The following NPEPL1 variants were observed in gnomAD, a reference collection of about 807,000 sequenced individuals.
NPEPL1 encodes the protein aminopeptidase like 1.
NPEPL1 carries 45 observed loss-of-function variants against 52.4 expected under a neutral mutation model. The ratio of observed to expected loss-of-function variants is 0.86; its 90% CI spans 0.68 to 1.10. The LOEUF (loss-of-function observed/expected upper bound fraction) is 1.10. Ranked by LOEUF, NPEPL1 falls within the 50% of genes least tolerant of loss-of-function variation. The probability of loss-of-function intolerance (pLI) is 0.00; values close to 1 mark genes in which losing one functional copy is unlikely to be tolerated. For synonymous variants in NPEPL1, 360 were observed against 314.7 expected, an observed-to-expected ratio of 1.14 and a Z score of -1.52; for missense variants, 696 against 710.9, an observed-to-expected ratio of 0.98 and a Z score of 0.24.
chr20:58,689,726 C>T (rs1456035893), upstream of NPEPL1, among the ~76,000 whole-genome samples: 2 of 152,190 alleles, frequency 1.3e-5, no homozygotes, highest in Non-Finnish European at 2.9e-5. Context: ...TTCCCTAACT[C>T]AATCTTCTCC....
chr20:58,706,088 G>A (rs2084728584), intron 6 of NPEPL1, among the ~76,000 whole-genome samples: 1 of 152,174 alleles, frequency 6.6e-6, no homozygotes, highest in Admixed American at 6.5e-5. Flanking sequence ...ATATGAACTT[G>A]TGAATTTGAT....
intron 6 of NPEPL1, 70 bp from the exon 7 acceptor site, chr20:58,707,053 G>C (rs766402970): frequency 6.1e-6 from 9 of 1,465,838 alleles, no homozygotes; most frequent in Non-Finnish European, 7.5e-6. Flanking sequence ...GGGTGGGGGT[G>C]GGGGGCTTCC....
intron 3 of NPEPL1, 35 bp downstream of exon 3, chr20:58,694,627 C>G: frequency 6.3e-7 from 1 of 1,575,910 alleles, no homozygotes; most frequent in Non-Finnish European, 8.6e-7. Context: ...TGCCCCTGGG[C>G]CCGGGCAAGA....
chr20:58,700,937 CAG>C lies in NPEPL1; in HGVS notation c.680-76_680-75del, dbSNP rs747156590. The C allele has an allele frequency of 1.4e-3, 1,899 of 1,333,630 alleles. 3 individuals are homozygous for C. The highest frequency in any genetic ancestry group is 1.7e-3 in the Non-Finnish European group (1,777 of 1,027,358). The allele number at this position is 1,333,630 out of a possible 1,614,324, so 82.6% of individuals were successfully genotyped here. On this transcript the variant is annotated intron_variant, in intron 5 of 11. Transcript: ENST00000356091. ...CTCTCCAGGAGAAACACCAGCCGGC[CAG>C]AGTTTCCAGGGGCCTCTGGGAGTTC...
chr20:58,691,062 C>CTCAATCTCT, upstream of NPEPL1: 1 of 702,392 alleles, frequency 1.4e-6, no homozygotes, highest in East Asian at 2.7e-5. Flanking sequence ...GGCCTTCTTT[C>CTCAATCTCT]TCAATCTCTT....
chr20:58,691,390 T>G (rs2123066261), upstream of NPEPL1: 3 of 542,382 alleles, frequency 5.5e-6, no homozygotes, highest in East Asian at 3.2e-5. Flanking sequence ...TTTTTTTTTT[T>G]TTTTTTTTTT....
Position 58,693,856 on chromosome 20 carries a change from G to T in NPEPL1, c.270G>T (p.Ser90=), listed in dbSNP as rs776353016. 11 of 1,613,572 alleles carry T rather than the reference G, an allele frequency of 6.8e-6. No individual in the cohort carries two copies. In the South Asian group the frequency reaches 1.2e-4, roughly 18 times the overall value. The change falls in exon 2 of 12, where the codon TCG becomes TCT. Residue 90 remains serine (S), a synonymous_variant. Coordinates refer to ENST00000356091, the MANE Select transcript of NPEPL1 (RefSeq NM_024663.4). ...PCRVSRHNSP[S]AAHFITRLVR... The stretch of plus-strand genomic sequence containing the variant: ...GGGTGAGCCGGCACAACAGCCCCTC[G>T]GCCGCCCACTTCATCACGCGGCTGG...
In NPEPL1 at chr20:58,715,601, G is replaced by A. The variant is rs969502447; in HGVS notation, c.*275G>A. 3.0e-5 allele frequency: 9 copies of A among 297,416 alleles called. No individual in the cohort carries two copies. Among genetic ancestry groups the A allele is most frequent in the African/African-American group, 1.6e-4 (7 of 44,570 alleles). The allele number at this position is 297,416 out of a possible 1,614,324, so 18.4% of individuals were successfully genotyped here. A position where few individuals can be genotyped will look rare whatever the true frequency, so the allele number is the denominator to read the frequency against. ...CTACCCCTGGGGCCTTCTGCACCCC[G>A]GGGTGAGGCCTCCTGCCTGCCTGGT... is the stretch of plus-strand genomic sequence containing the variant. On this transcript the variant is annotated 3_prime_UTR_variant, in exon 12 of 12. Coordinates refer to ENST00000356091, the MANE Select transcript of NPEPL1 (RefSeq NM_024663.4).
intron 6 of NPEPL1, chr20:58,703,464 C>T: frequency 1.0e-6 from 1 of 980,600 alleles, no homozygotes; most frequent in Non-Finnish European, 1.2e-6. Context: ...GCTGCTCCCA[C>T]CCTCGCACGC....
At chr20:58,700,043 C>G (rs1000865247) in intron 5 of NPEPL1, among the ~76,000 whole-genome samples, 11 of 152,220 alleles carry the variant, frequency 7.2e-5, no homozygotes, top group African/African-American at 2.4e-4. Context: ...GGCAGGCTCA[C>G]AACAGGCTGC....
intron 8 of NPEPL1, 161 bp downstream of exon 8, chr20:58,712,740 AG>A (rs1196918127): frequency 2.9e-6 from 2 of 698,840 alleles, no homozygotes; most frequent in Admixed American, 2.0e-5. Flanking sequence ...GAGCTTTGGT[AG>A]CAGGCGCACC....
chr20:58,706,695 T>A (rs1232026810), intron 6 of NPEPL1, among the ~76,000 whole-genome samples: 1 of 144,262 alleles, frequency 6.9e-6, no homozygotes, highest in Non-Finnish European at 1.5e-5. Flanking sequence ...GTGGAGAGAG[T>A]GGCCCTGCAG....
At chr20:58,708,083 A>G (rs1178679747) in intron 7 of NPEPL1, among the ~76,000 whole-genome samples, 1 of 152,126 alleles carries the variant, frequency 6.6e-6, no homozygotes, top group Non-Finnish European at 1.5e-5. Context: ...GACCCTGTCT[A>G]AAGAAACAGG....
In NPEPL1 at chr20:58,715,255, C is replaced by T. The variant is rs771264515; in HGVS notation, c.1501C>T (p.Pro501Ser). 4 of 1,610,866 alleles carry T rather than the reference C, an allele frequency of 2.5e-6. No individual in the cohort carries two copies. Among genetic ancestry groups the T allele is most frequent in the Non-Finnish European group, 8.5e-7 (1 of 1,179,300 alleles). Residue 501 changes from proline (P) to serine (S), a missense_variant, in exon 12 of 12, where the codon CCA becomes TCA. By Grantham distance (74) the Pro-to-Ser change is moderately conservative. Transcript: ENST00000356091. ...GGACCCTCTGCTGAACCTGGTGTCCCCACTGGGCTGTGAGGTGGATGTCGA... is the reference window on the plus strand; with the variant it reads ...GGACCCTCTGCTGAACCTGGTGTCCTCACTGGGCTGTGAGGTGGATGTCGA... ...SEDPLLNLVS[P>S]LGCEVDVEEG...
Position 58,707,998 on chromosome 20 carries a change from C to G in NPEPL1, c.900+798C>G, listed in dbSNP as rs1055835259. ...TTGGGAGGCTGAGGTGGCGGAGGATCGATTGAGCCCGGGAGGTTGAGGCTG... is the reference window on the plus strand; with the variant it reads ...TTGGGAGGCTGAGGTGGCGGAGGATGGATTGAGCCCGGGAGGTTGAGGCTG... On this transcript the variant is annotated intron_variant, in intron 7 of 11. Coordinates refer to ENST00000356091, the MANE Select transcript of NPEPL1 (RefSeq NM_024663.4). Among the ~76,000 whole-genome samples the G allele has an allele frequency of 2.0e-5, 3 of 152,132 alleles. No homozygotes were observed. In the East Asian group the frequency reaches 5.8e-4, roughly 29 times the overall value.
At chr20:58,708,427 C>T (rs968703265) in intron 7 of NPEPL1, among the ~76,000 whole-genome samples, 1 of 151,898 alleles carries the variant, frequency 6.6e-6, no homozygotes. Context: ...CTCACCTGTG[C>T]TCTGCACGGG....
intron 6 of NPEPL1, chr20:58,703,911 C>G: frequency 6.1e-6 from 6 of 985,062 alleles, no homozygotes; most frequent in Non-Finnish European, 7.2e-6. Context: ...CCGGGGTCCA[C>G]CTGGTCTGCA....
intron 3 of NPEPL1, among the ~76,000 whole-genome samples, chr20:58,697,762 TGAGA>T (rs1357474536): frequency 6.6e-6 from 1 of 152,174 alleles, no homozygotes; most frequent in Non-Finnish European, 1.5e-5. Context: ...CAGATTCAGC[TGAGA>T]GAGAGTGAAG....
chr20:58,692,800 A>AGGGCCGGGGCGGTGCCG lies in NPEPL1; in HGVS notation c.-100_-84dup, dbSNP rs2084380240. The AGGGCCGGGGCGGTGCCG allele has an allele frequency of 1.4e-5, 14 of 969,204 alleles. No individual in the cohort carries two copies. The highest frequency in any genetic ancestry group is 1.7e-5 in the Non-Finnish European group (14 of 819,894). 60.0% of individuals were successfully genotyped at this position (969,204 alleles called of 1,614,324 possible). A position where few individuals can be genotyped will look rare whatever the true frequency, so the allele number is the denominator to read the frequency against. ...AGGCGGGGCCCGCGGGCTGCCGGGCAGGGCCGGGGCGGTGCCGAGGCCGGG... is the reference window on the plus strand; with the variant it reads ...AGGCGGGGCCCGCGGGCTGCCGGGCAGGGCCGGGGCGGTGCCGGGGCCGGGGCGGTGCCGAGGCCGGG... On this transcript the variant is annotated 5_prime_UTR_variant, in exon 1 of 12. Coordinates refer to ENST00000356091, the MANE Select transcript of NPEPL1 (RefSeq NM_024663.4). This position sits in a 1 kb window ranked among gnomAD's most constrained non-coding sequence, Gnocchi z 5.7.
Sources: allele counts gnomAD v4.1 joint callset (sites outside exome capture counted in the v4.1 genomes callset), GRCh38; gene constraint gnomAD v4.1.1; non-coding constraint Gnocchi (gnomAD v3.1); transcripts MANE v1.5; gene names NCBI Gene and HGNC (gene_info 2026-07-23, HGNC 2026-07-21).